ZNF704: variants seen among roughly 807,000 people sequenced by gnomAD.
ZNF704 encodes zinc finger protein 704, also known as glucocorticoid induced gene 1.
ZNF704 carries 10 observed loss-of-function variants against 44.7 expected under a neutral mutation model. The observed-to-expected ratio is 0.22, with a 90% CI of 0.14 to 0.38. The LOEUF is 0.38. Among genes scored for constraint, ZNF704 ranks in the 10% least tolerant of loss-of-function variants. ZNF704 has a pLI of 1.00. For missense variants in ZNF704, 390 were observed against 545.5 expected (o/e 0.71, Z 2.84); for synonymous variants, 211 against 207.6 (o/e 1.02, Z -0.14).
At chr8:80,863,535 C>T (rs1027843196) in intron 1 of ZNF704, among the ~76,000 whole-genome samples, 1 of 152,112 alleles carries the variant, frequency 6.6e-6, no homozygotes. Flanking sequence ...TATTTTTCAA[C>T]AGAAACTTCT....
chr8:80,850,638 T>C (rs1485260980), intron 1 of ZNF704, among the ~76,000 whole-genome samples: 1 of 152,204 alleles, frequency 6.6e-6, no homozygotes, highest in Non-Finnish European at 1.5e-5. Flanking sequence ...TTCTCCACTT[T>C]ATAATCTCTC....
chr8:80,875,199 C>A (rs1401981445), upstream of ZNF704, among the ~76,000 whole-genome samples: 1 of 152,118 alleles, frequency 6.6e-6, no homozygotes, highest in Non-Finnish European at 1.5e-5. Flanking sequence ...TTGCCATTTT[C>A]TGACGATTTT....
Position 80,752,543 on chromosome 8 carries a change from T to TA in ZNF704, c.222-59437dup, listed in dbSNP as rs745328853. On this transcript the variant is annotated intron_variant, in intron 2 of 8. Coordinates refer to ENST00000327835, the MANE Select transcript of ZNF704 (RefSeq NM_001033723.3). ...CTTTGGGGGTAAACTTAAAAAAACT[T>TA]AAAAAAAAAAAAAACGAAACAGAGT... is the stretch of plus-strand genomic sequence containing the variant. 4.7e-3 allele frequency among the ~76,000 whole-genome samples: 649 copies of TA among 139,406 alleles called. 3 individuals carry two copies. The highest frequency in any genetic ancestry group is 0.03 in the South Asian group (123 of 4,074). The allele number at this position is 139,406 out of a possible 152,430, so 91.5% of individuals were successfully genotyped here. A position where few individuals can be genotyped will look rare whatever the true frequency, so the allele number is the denominator to read the frequency against.
chr8:80,854,922 CATGAG>C (rs1404148854), intron 1 of ZNF704, among the ~76,000 whole-genome samples: 1 of 152,026 alleles, frequency 6.6e-6, no homozygotes, highest in African/African-American at 2.4e-5. Flanking sequence ...TTATGGGGTA[CATGAG>C]ATATTTTGAT....
At chr8:80,722,183 T>G (rs1371170324) in intron 2 of ZNF704, among the ~76,000 whole-genome samples, 2 of 152,154 alleles carry the variant, frequency 1.3e-5, no homozygotes, top group African/African-American at 2.4e-5. Flanking sequence ...GAGGTTTCAG[T>G]GAGCCAAGAT....
At chr8:80,737,612 C>G (rs1374759970) in intron 2 of ZNF704, among the ~76,000 whole-genome samples, 3 of 152,150 alleles carry the variant, frequency 2.0e-5, no homozygotes, top group Admixed American at 2.0e-4. Context: ...CAAGGAGAGG[C>G]AATCTCTCTA....
At chr8:80,825,471 A>G (rs1362992590) in intron 1 of ZNF704, among the ~76,000 whole-genome samples, 1 of 152,180 alleles carries the variant, frequency 6.6e-6, no homozygotes, top group Non-Finnish European at 1.5e-5. Flanking sequence ...CCACACAATA[A>G]TAATGGGAGA....
chr8:80,643,043 G>T lies in ZNF704; in HGVS notation c.1119C>A (p.Val373=). Residue 373 remains valine (V), a synonymous_variant, in exon 8 of 9, where the codon GTC becomes GTA. Transcript: ENST00000327835. ...TVLSSPPRGT[V]SLRKPRGEGK... ...TTTTTAAGCTGTCGTACCTTAAGCTGACTGTGCCTCTGGGTGGGGAGGACA... is the reference window on the plus strand; with the variant it reads ...TTTTTAAGCTGTCGTACCTTAAGCTTACTGTGCCTCTGGGTGGGGAGGACA... The T allele has an allele frequency of 6.3e-7, 1 of 1,587,016 alleles. No individual in the cohort carries two copies. Among genetic ancestry groups the T allele is most frequent in the South Asian group, 1.1e-5 (1 of 86,962 alleles).
chr8:80,868,197 C>T (rs1809190633), intron 1 of ZNF704, among the ~76,000 whole-genome samples: 1 of 152,064 alleles, frequency 6.6e-6, no homozygotes, highest in Admixed American at 6.5e-5. Context: ...TACAGGCGCC[C>T]AGGGGTTAGT....
intron 1 of ZNF704, among the ~76,000 whole-genome samples, chr8:80,827,045 A>G (rs1808390102): frequency 6.6e-6 from 1 of 152,204 alleles, no homozygotes; most frequent in Admixed American, 6.5e-5. Flanking sequence ...CTCCACTCCT[A>G]TTCAACACAG....
intron 3 of ZNF704, among the ~76,000 whole-genome samples, chr8:80,690,219 C>G (rs1294535009): frequency 6.6e-6 from 1 of 152,124 alleles, no homozygotes; most frequent in Non-Finnish European, 1.5e-5. Context: ...TATTACTGTG[C>G]TAACGAAAGT....
In ZNF704 at chr8:80,672,511, T is replaced by C. The variant is rs151107175; in HGVS notation, c.559-1908A>G. Among the ~76,000 whole-genome samples, 546 of 152,296 alleles carry C rather than the reference T, an allele frequency of 3.6e-3. 1 individual carries two copies. Among genetic ancestry groups the C allele is most frequent in the African/African-American group, 0.012 (512 of 41,552 alleles). ...TATTCACAGTAGCAAAGACATGGAATCAACCTAGGTGTCAGTGTAATGAAT... is the reference window on the plus strand; with the variant it reads ...TATTCACAGTAGCAAAGACATGGAACCAACCTAGGTGTCAGTGTAATGAAT... On this transcript the variant is annotated intron_variant, in intron 4 of 8. Transcript: ENST00000327835.
At chr8:80,642,181 G>A (rs1404423119) in intron 8 of ZNF704, among the ~76,000 whole-genome samples, 3 of 152,146 alleles carry the variant, frequency 2.0e-5, no homozygotes, top group Non-Finnish European at 4.4e-5. Flanking sequence ...TATATATTAT[G>A]CATGACTTTT....
chr8:80,878,657 G>A (rs1008670394), upstream of ZNF704, among the ~76,000 whole-genome samples: 1 of 152,128 alleles, frequency 6.6e-6, no homozygotes, highest in Admixed American at 6.5e-5. Flanking sequence ...AATAGATTAA[G>A]GTTAAGAGAA....
rs146677370 is a variant in ZNF704, at chr8:80,734,489, C to T, written c.222-41382G>A. On this transcript the variant is annotated intron_variant, in intron 2 of 8. Transcript: ENST00000327835. The stretch of plus-strand genomic sequence containing the variant: ...AGATGTCTAACTGTTCAGTATAATA[C>T]TGAACAAGATAAACTGGAACTTAAA... 2.2e-4 allele frequency among the ~76,000 whole-genome samples: 33 copies of T among 152,216 alleles called. 1 individual carries two copies. The East Asian group carries it at 6.0e-3, about 28-fold the overall frequency.
intron 1 of ZNF704, among the ~76,000 whole-genome samples, chr8:80,866,674 T>TG (rs935241751): frequency 2.6e-5 from 4 of 152,162 alleles, no homozygotes; most frequent in African/African-American, 7.2e-5. Context: ...TACAATGACA[T>TG]GGGGAGGGAA....
chr8:80,823,066 G>C (rs1027744077), intron 1 of ZNF704, among the ~76,000 whole-genome samples: 4 of 152,166 alleles, frequency 2.6e-5, no homozygotes, highest in African/African-American at 9.7e-5. Context: ...GAGGTACCAG[G>C]TTCATCTCAA....
chr8:80,852,160 GATAGA>G (rs905484005), intron 1 of ZNF704, among the ~76,000 whole-genome samples: 4 of 152,144 alleles, frequency 2.6e-5, no homozygotes, highest in African/African-American at 9.7e-5. Flanking sequence ...GCACATTAAG[GATAGA>G]ATATCATCTC....
chr8:80,708,272 T>G (rs1326454799), intron 2 of ZNF704, among the ~76,000 whole-genome samples: 2 of 152,222 alleles, frequency 1.3e-5, no homozygotes, highest in African/African-American at 2.4e-5. Context: ...GGAACATGAC[T>G]TCCCCAAACG....
Sources: gnomAD v4.1 joint callset for allele counts (sites outside exome capture counted in the v4.1 genomes callset) on GRCh38, gnomAD v4.1.1 for gene constraint, MANE v1.5 for transcripts, NCBI Gene and HGNC (gene_info 2026-07-23, HGNC 2026-07-21) for gene names.